The following NRXN3 variants were observed in gnomAD, a reference collection of about 807,000 sequenced individuals.
NRXN3 encodes neurexin III.
Under a neutral mutation model 137.6 loss-of-function variants are expected in NRXN3, and 32 were observed. The observed-to-expected ratio is 0.23, with a 90% CI of 0.18 to 0.31. The LOEUF is 0.31. Among genes scored for constraint, NRXN3 ranks in the 10% least tolerant of loss-of-function variants. NRXN3 has a pLI of 1.00. For missense variants in NRXN3, 1,574 were observed against 2,062.5 expected, an observed-to-expected ratio of 0.76 and a Z score of 4.59; for synonymous variants, 798 against 784.5, an observed-to-expected ratio of 1.02 and a Z score of -0.29.
At chr14:79,801,215 T>C (rs1225550359) in intron 19 of NRXN3, among the ~76,000 whole-genome samples, 1 of 152,182 alleles carries the variant, frequency 6.6e-6, no homozygotes, top group Non-Finnish European at 1.5e-5. Flanking sequence ...CCCACACAGA[T>C]TGTCTAGATT....
chr14:79,627,444 C>G (rs1292574458), intron 16 of NRXN3, among the ~76,000 whole-genome samples: 1 of 152,152 alleles, frequency 6.6e-6, no homozygotes, highest in African/African-American at 2.4e-5. Flanking sequence ...TTGGTGCATT[C>G]CAGCCACACC....
chr14:78,678,661 A>G (rs1280894675), intron 6 of NRXN3, among the ~76,000 whole-genome samples: 1 of 152,180 alleles, frequency 6.6e-6, no homozygotes, highest in Non-Finnish European at 1.5e-5. Flanking sequence ...GGTATTGCCA[A>G]TAAATCAAAT....
At chr14:79,193,358 T>C (rs1165159940) in intron 15 of NRXN3, among the ~76,000 whole-genome samples, 1 of 152,182 alleles carries the variant, frequency 6.6e-6, no homozygotes, top group Non-Finnish European at 1.5e-5. Context: ...CCTTTAGTAG[T>C]GTATTAGCAG....
chr14:78,251,505 C>T (rs2068623949), intron 2 of NRXN3, among the ~76,000 whole-genome samples: 1 of 152,238 alleles, frequency 6.6e-6, no homozygotes, highest in Non-Finnish European at 1.5e-5. Flanking sequence ...CCTCTGTTAA[C>T]ACAACTTGTT....
At chr14:78,781,273 T>A (rs575795317) in intron 8 of NRXN3, among the ~76,000 whole-genome samples, 6 of 152,322 alleles carry the variant, frequency 3.9e-5, no homozygotes, top group Admixed American at 1.3e-4. Context: ...TGCATGGACA[T>A]GACGAATGTC....
At chr14:78,312,843 A>G (rs1433617012) in intron 4 of NRXN3, among the ~76,000 whole-genome samples, 1 of 152,200 alleles carries the variant, frequency 6.6e-6, no homozygotes, top group Non-Finnish European at 1.5e-5. Context: ...AGATAGATAA[A>G]ATGCATGAGC....
chr14:78,374,289 T>C (rs2087406567), intron 4 of NRXN3, among the ~76,000 whole-genome samples: 2 of 152,234 alleles, frequency 1.3e-5, no homozygotes, highest in Admixed American at 1.3e-4. Context: ...AAATCTTTAG[T>C]ATAAGTTTTA....
At chr14:78,673,180 G>A (rs1216389406) in intron 6 of NRXN3, among the ~76,000 whole-genome samples, 9 of 152,176 alleles carry the variant, frequency 5.9e-5, no homozygotes, top group Admixed American at 3.3e-4. Context: ...TAAATTAATA[G>A]GTCCAGGTAC....
chr14:79,739,024 TA>T (rs1353900571), intron 19 of NRXN3, among the ~76,000 whole-genome samples: 1 of 152,130 alleles, frequency 6.6e-6, no homozygotes, highest in East Asian at 1.9e-4. Context: ...ATGGTGTAAA[TA>T]AAAACAGATC....
At chr14:78,524,576 C>A (rs1283523199) in intron 4 of NRXN3, among the ~76,000 whole-genome samples, 1 of 152,042 alleles carries the variant, frequency 6.6e-6, no homozygotes, top group African/African-American at 2.4e-5. Flanking sequence ...TTTTTTATAA[C>A]AACTTCCCCA....
At chr14:79,098,829 C>A (rs921388241) in intron 15 of NRXN3, among the ~76,000 whole-genome samples, 1 of 152,076 alleles carries the variant, frequency 6.6e-6, no homozygotes, top group African/African-American at 2.4e-5. Context: ...CATTCAAAGG[C>A]CAAAGGGGAA....
chr14:78,295,729 A>G (rs1056221390), intron 3 of NRXN3, among the ~76,000 whole-genome samples: 1 of 152,168 alleles, frequency 6.6e-6, no homozygotes, highest in Non-Finnish European at 1.5e-5. Context: ...TCGTTTTTTA[A>G]TAACCATCTC....
At chr14:79,049,585 A>G (rs2099638964) in intron 15 of NRXN3, among the ~76,000 whole-genome samples, 1 of 152,184 alleles carries the variant, frequency 6.6e-6, no homozygotes, top group African/African-American at 2.4e-5. Flanking sequence ...AATGCTCTTA[A>G]TGGCATTTAA....
chr14:79,754,180 AC>A (rs2099009365), intron 19 of NRXN3, among the ~76,000 whole-genome samples: 1 of 151,778 alleles, frequency 6.6e-6, no homozygotes, highest in African/African-American at 2.4e-5. Flanking sequence ...AAAAACAAAA[AC>A]AAAAACAAAA....
At chr14:78,956,482 T>C (rs908877059) in intron 10 of NRXN3, among the ~76,000 whole-genome samples, 2 of 152,194 alleles carry the variant, frequency 1.3e-5, no homozygotes, top group African/African-American at 4.8e-5. Flanking sequence ...TGAGACAACT[T>C]GGTTTATTCC....
intron 15 of NRXN3, among the ~76,000 whole-genome samples, chr14:79,096,272 T>A (rs1171894801): frequency 1.3e-5 from 2 of 152,004 alleles, no homozygotes; most frequent in African/African-American, 4.8e-5. Context: ...CACAACCTGC[T>A]AATTTCTTTT....
chr14:79,077,081 T>A (rs2046100270), intron 15 of NRXN3, among the ~76,000 whole-genome samples: 1 of 152,168 alleles, frequency 6.6e-6, no homozygotes, highest in South Asian at 2.1e-4. Flanking sequence ...TGGATTTAAG[T>A]CTGAAATAAA....
At chr14:79,549,078 G>A (rs2097349303) in intron 16 of NRXN3, among the ~76,000 whole-genome samples, 1 of 152,116 alleles carries the variant, frequency 6.6e-6, no homozygotes, top group Non-Finnish European at 1.5e-5. Context: ...TCAGAGGAGT[G>A]ATGAGGAGTG....
At chr14:79,224,230 C>T (rs2070384108) in intron 15 of NRXN3, among the ~76,000 whole-genome samples, 1 of 152,048 alleles carries the variant, frequency 6.6e-6, no homozygotes, top group Non-Finnish European at 1.5e-5. Flanking sequence ...ATGTCTTTAG[C>T]CTTACTTGGT....
Sources: allele counts gnomAD v4.1 joint callset (sites outside exome capture counted in the v4.1 genomes callset), GRCh38; gene constraint gnomAD v4.1.1; transcripts MANE v1.5; gene names NCBI Gene and HGNC (gene_info 2026-07-23, HGNC 2026-07-21).